Variants in GSE1 observed in about 807,000 individuals in gnomAD.
The protein encoded by GSE1 is Gse1 coiled-coil protein, also known as genetic suppressor element 1.
A neutral mutation model predicts 112.6 loss-of-function variants in GSE1; 32 were observed. The observed-to-expected ratio is 0.28, with a 90% CI of 0.21 to 0.38. The LOEUF (loss-of-function observed/expected upper bound fraction) is 0.38, where lower values mean the gene tolerates loss of function less well. Ranked by LOEUF, GSE1 falls within the 10% of genes least tolerant of loss-of-function variation. The pLI is 1.00. For missense variants in GSE1, 2,348 were observed against 1,699.2 expected (o/e 1.38, Z -6.71); for synonymous variants, 1,115 against 735.6 (o/e 1.52, Z -8.35).
At chr16:85,314,217 G>A (rs2045935907) in intron 1 of GSE1, among the ~76,000 whole-genome samples, 1 of 152,178 alleles carries the variant, frequency 6.6e-6, no homozygotes, top group Non-Finnish European at 1.5e-5. Flanking sequence ...AAGGAAAGGA[G>A]GAGGCAGGCA....
At chr16:85,563,500 C>G (rs1051593373) in intron 1 of GSE1, among the ~76,000 whole-genome samples, 3 of 152,120 alleles carry the variant, frequency 2.0e-5, no homozygotes, top group African/African-American at 7.2e-5. Context: ...GGTGCTGGGG[C>G]TGGGGGATTG....
At chr16:85,647,637 A>C (rs1231335251) in intron 2 of GSE1, among the ~76,000 whole-genome samples, 1 of 152,070 alleles carries the variant, frequency 6.6e-6, no homozygotes, top group Non-Finnish European at 1.5e-5. Context: ...GCCAGGCTGG[A>C]GTGCGGCAGC....
rs753819830 is a variant in GSE1 at position 85,666,177 on chromosome 16, G to C, written c.2960G>C (p.Ser987Thr). The C allele has an allele frequency of 6.2e-7, 1 of 1,613,540 alleles. No homozygotes were observed. ...SEAPGGKKSLSMLHYIRGAAP... is the reference protein window; with the variant it reads ...SEAPGGKKSLTMLHYIRGAAP... ...GCCCCTGGAGGCAAAAAGAGTCTGA[G>C]CATGCTTCACTATATCCGGGGCGCT... The change falls in exon 13 of 16, where the codon AGC becomes ACC. Residue 987 changes from serine (S) to threonine (T), a missense_variant. Physicochemically the swap from Ser to Thr is moderately conservative, Grantham distance 58. Coordinates refer to ENST00000253458, the MANE Select transcript of GSE1 (RefSeq NM_014615.5).
chr16:85,214,348 G>C (rs2075275313), intron 1 of GSE1, among the ~76,000 whole-genome samples: 2 of 152,294 alleles, frequency 1.3e-5, no homozygotes, highest in Admixed American at 1.3e-4. Flanking sequence ...TACTGGATTT[G>C]GGGCCTATAT....
intron 3 of GSE1, among the ~76,000 whole-genome samples, chr16:85,651,703 C>G (rs2051371436): frequency 6.6e-6 from 1 of 152,330 alleles, no homozygotes; most frequent in South Asian, 2.1e-4. Flanking sequence ...CTCTGGCCAC[C>G]CAAGGCTGGG....
chr16:85,436,873 A>T (rs1446786680), intron 2 of GSE1, among the ~76,000 whole-genome samples: 2 of 152,072 alleles, frequency 1.3e-5, no homozygotes, highest in African/African-American at 4.8e-5. Context: ...CATCCCACGC[A>T]GTGGGCGGCC....
intron 2 of GSE1, among the ~76,000 whole-genome samples, chr16:85,392,745 C>T (rs151247052): frequency 3.9e-5 from 6 of 152,328 alleles, no homozygotes; most frequent in African/African-American, 9.6e-5. Flanking sequence ...ACAGCCAGGA[C>T]TTGTGGAAGG....
chr16:85,391,225 C>T (rs556695473), intron 2 of GSE1, among the ~76,000 whole-genome samples: 8 of 152,362 alleles, frequency 5.3e-5, no homozygotes, highest in Admixed American at 3.9e-4. Flanking sequence ...TGTGACATTC[C>T]AGGTAGTGTG....
intron 2 of GSE1, among the ~76,000 whole-genome samples, chr16:85,390,886 A>G: frequency 6.6e-6 from 1 of 152,184 alleles, no homozygotes; most frequent in Non-Finnish European, 1.5e-5. Context: ...TGCACTTTGG[A>G]GATGCGTCAT....
At chr16:85,333,745 G>A (rs1002564099) in intron 1 of GSE1, among the ~76,000 whole-genome samples, 1 of 152,146 alleles carries the variant, frequency 6.6e-6, no homozygotes, top group African/African-American at 2.4e-5. Context: ...CTCTTCTGGA[G>A]ATCTCACTTC....
intron 2 of GSE1, among the ~76,000 whole-genome samples, chr16:85,431,124 C>T (rs963689719): frequency 6.6e-6 from 1 of 152,180 alleles, no homozygotes; most frequent in Non-Finnish European, 1.5e-5. Context: ...GAGCTTGGCT[C>T]AGAATTGCAC....
chr16:85,414,078 C>T (rs1367653920), intron 2 of GSE1, among the ~76,000 whole-genome samples: 1 of 152,084 alleles, frequency 6.6e-6, no homozygotes, highest in Non-Finnish European at 1.5e-5. Context: ...AACCCAGTCT[C>T]AGGCAGTTCT....
intron 2 of GSE1, among the ~76,000 whole-genome samples, chr16:85,481,382 C>CA (rs907066418): frequency 2.6e-5 from 4 of 152,166 alleles, no homozygotes; most frequent in African/African-American, 9.7e-5. Flanking sequence ...ACTCTGGGGA[C>CA]AGAGGAGCTT....
At chr16:85,645,611 G>C (rs1241177013) in intron 2 of GSE1, among the ~76,000 whole-genome samples, 1 of 152,196 alleles carries the variant, frequency 6.6e-6, no homozygotes, top group Admixed American at 6.5e-5. Flanking sequence ...CACTTTGGCT[G>C]CCTGAGGCCT....
chr16:85,553,243 G>GGGGCAGGGA (rs1161112169), upstream of GSE1, among the ~76,000 whole-genome samples: 23 of 150,276 alleles, frequency 1.5e-4, no homozygotes, highest in East Asian at 2.9e-3. Context: ...GCGCGGGGTG[G>GGGGCAGGGA]GGGCAGGGAG....
chr16:85,384,392 G>A (rs767413556), intron 2 of GSE1, among the ~76,000 whole-genome samples: 19 of 152,218 alleles, frequency 1.2e-4, no homozygotes, highest in Non-Finnish European at 2.1e-4. Flanking sequence ...TTTACTGGCT[G>A]TGTGACCTCA....
chr16:85,422,420 C>G (rs1265215372), intron 2 of GSE1, among the ~76,000 whole-genome samples: 5 of 152,070 alleles, frequency 3.3e-5, no homozygotes, highest in Non-Finnish European at 7.4e-5. Context: ...CGGTTCCTCC[C>G]CCGGAGGCCT....
At chr16:85,461,699 G>A (rs2049973118) in intron 2 of GSE1, among the ~76,000 whole-genome samples, 1 of 152,176 alleles carries the variant, frequency 6.6e-6, no homozygotes, top group Non-Finnish European at 1.5e-5. Flanking sequence ...TGCAGTCGGT[G>A]GGCTGGGATA....
At chr16:85,669,312 A>G (rs2053138416) in intron 14 of GSE1, among the ~76,000 whole-genome samples, 1 of 152,202 alleles carries the variant, frequency 6.6e-6, no homozygotes, top group South Asian at 2.1e-4. Flanking sequence ...ACTCTTTATC[A>G]TCACATATGA....
Sources: gnomAD v4.1 joint callset for allele counts (sites outside exome capture counted in the v4.1 genomes callset) on GRCh38, gnomAD v4.1.1 for gene constraint, MANE v1.5 for transcripts, NCBI Gene and HGNC (gene_info 2026-07-23, HGNC 2026-07-21) for gene names.